TTLL11: variants seen among roughly 807,000 people sequenced by gnomAD.
The protein encoded by TTLL11 is tubulin polyglutamylase TTLL11.
Under a neutral mutation model 51.7 loss-of-function variants are expected in TTLL11, and 42 were observed. The observed-to-expected ratio is 0.81, with a 90% CI of 0.64 to 1.05. TTLL11 has a LOEUF of 1.05. Among genes scored for constraint, TTLL11 ranks in the 50% least tolerant of loss-of-function variants. The pLI is 0.00. For missense variants in TTLL11, 799 were observed against 940.4 expected (o/e 0.85, Z 1.97); for synonymous variants, 381 against 383.5 (o/e 0.99, Z 0.08).
intron 6 of TTLL11, among the ~76,000 whole-genome samples, chr9:121,945,802 C>A (rs1460976165): frequency 2.0e-5 from 3 of 152,104 alleles, no homozygotes; most frequent in Admixed American, 2.0e-4. Flanking sequence ...TAAATCCTGC[C>A]ATGGGAACTG....
intron 6 of TTLL11, among the ~76,000 whole-genome samples, chr9:121,913,145 A>C (rs763970022): frequency 5.3e-5 from 8 of 152,322 alleles, no homozygotes; most frequent in Middle Eastern, 3.4e-3. Flanking sequence ...TTTCTTATCC[A>C]TGACTCCCTT....
rs145232326 is a variant in TTLL11, at chr9:122,003,227, C to T, written c.694-13457G>A. ...AAGAGAGATGATCATAAAACCTCTC[C>T]GGTCCAGCACTTCCCAGACTTGCAT... On this transcript the variant is annotated intron_variant, in intron 3 of 8. Coordinates refer to ENST00000321582, the MANE Select transcript of TTLL11 (RefSeq NM_001139442.2). Among the ~76,000 whole-genome samples the T allele has an allele frequency of 7.6e-3, 1,160 of 152,176 alleles. 11 individuals are homozygous for T. The highest frequency in any genetic ancestry group is 0.024 in the Middle Eastern group (7 of 294).
intron 6 of TTLL11, among the ~76,000 whole-genome samples, chr9:121,898,156 G>A (rs1210126598): frequency 6.6e-6 from 1 of 152,138 alleles, no homozygotes; most frequent in African/African-American, 2.4e-5. Flanking sequence ...GACCTCAAGT[G>A]ACCTGCCTCA....
chr9:121,847,207 C>CAAAA (rs56213031), intron 8 of TTLL11, among the ~76,000 whole-genome samples: 5 of 113,722 alleles, frequency 4.4e-5, no homozygotes, highest in African/African-American at 1.3e-4. Context: ...GACTCCGTCT[C>CAAAA]AAAAAAAAAA....
At chr9:121,981,793 G>A (rs373949131) in intron 4 of TTLL11, among the ~76,000 whole-genome samples, 3 of 152,132 alleles carry the variant, frequency 2.0e-5, no homozygotes, top group South Asian at 2.1e-4. Flanking sequence ...TTTAACCCTC[G>A]CTGTTAAGGC....
At chr9:122,004,258 G>T (rs1387020948) in intron 3 of TTLL11, among the ~76,000 whole-genome samples, 2 of 152,136 alleles carry the variant, frequency 1.3e-5, no homozygotes, top group African/African-American at 4.8e-5. Flanking sequence ...AGCCCTTTCT[G>T]GAAGATGCTC....
rs10536790 is a variant in TTLL11, at chr9:121,829,774, T to TACACACAC, written c.1841-6903_1841-6896dup. 5.8e-3 allele frequency among the ~76,000 whole-genome samples: 829 copies of TACACACAC among 144,078 alleles called. 6 individuals carry two copies. Among genetic ancestry groups the TACACACAC allele is most frequent in the African/African-American group, 0.019 (751 of 38,750 alleles). The allele number at this position is 144,078 out of a possible 152,430, so 94.5% of individuals were successfully genotyped here. On this transcript the variant is annotated intron_variant, in intron 8 of 8. Transcript: ENST00000321582. ...TGCTCGTTGTTGATAATAATTCAAGTACACACACACACACACACACACACA... is the reference window on the plus strand; with the variant it reads ...TGCTCGTTGTTGATAATAATTCAAGTACACACACACACACACACACACACACACACACA...
chr9:121,951,973 C>T (rs1471338483), intron 6 of TTLL11, among the ~76,000 whole-genome samples: 3 of 152,094 alleles, frequency 2.0e-5, no homozygotes, highest in Non-Finnish European at 2.9e-5. Context: ...GCAGTGAGGA[C>T]GACCAGAGGT....
At chr9:121,869,384 G>A (rs932623457) in intron 7 of TTLL11, among the ~76,000 whole-genome samples, 3 of 152,152 alleles carry the variant, frequency 2.0e-5, no homozygotes, top group Admixed American at 6.6e-5. Flanking sequence ...TGAGGTGCAA[G>A]ACAAAAATAT....
intron 6 of TTLL11, among the ~76,000 whole-genome samples, chr9:121,902,675 G>A (rs1319191413): frequency 6.6e-6 from 1 of 151,348 alleles, no homozygotes; most frequent in African/African-American, 2.4e-5. Flanking sequence ...GTTTGAGTAA[G>A]TCATCAGCAA....
At chr9:121,869,961 C>T (rs1288412330) in intron 7 of TTLL11, among the ~76,000 whole-genome samples, 3 of 152,228 alleles carry the variant, frequency 2.0e-5, no homozygotes, top group African/African-American at 7.2e-5. Flanking sequence ...TTCTTTATCT[C>T]ATGCTTTATC....
chr9:121,951,934 TA>T (rs1325560889), intron 6 of TTLL11, among the ~76,000 whole-genome samples: 1 of 152,212 alleles, frequency 6.6e-6, no homozygotes, highest in African/African-American at 2.4e-5. Flanking sequence ...ATGGCATTTG[TA>T]AACTGTCATG....
At chr9:122,033,196 G>A (rs567001405) in intron 2 of TTLL11, among the ~76,000 whole-genome samples, 39 of 152,056 alleles carry the variant, frequency 2.6e-4, no homozygotes, top group Admixed American at 6.5e-4. Flanking sequence ...TACTGCAACC[G>A]CCGCCTCCTA....
At chr9:121,994,760 T>C (rs1372753563) in intron 3 of TTLL11, among the ~76,000 whole-genome samples, 1 of 152,206 alleles carries the variant, frequency 6.6e-6, no homozygotes, top group Non-Finnish European at 1.5e-5. Flanking sequence ...AGAAAGCAAC[T>C]TAATTAGATG....
rs1836486863 is a variant in TTLL11 at position 121,818,838 on chromosome 9, T to G, written c.*3749A>C. 1 of 152,514 alleles carries G rather than the reference T, an allele frequency of 6.6e-6. No individual in the cohort carries two copies. The highest frequency in any genetic ancestry group is 1.5e-5 in the Non-Finnish European group (1 of 68,440). 9.4% of individuals were successfully genotyped at this position (152,514 alleles called of 1,614,324 possible). A position where few individuals can be genotyped will look rare whatever the true frequency, so the allele number is the denominator to read the frequency against. ...GAGGCTGCAGAGCCTGGTCCTGAGGTGCAGGGGTCAGGTGCGGGCCTTAGG... is the reference window on the plus strand; with the variant it reads ...GAGGCTGCAGAGCCTGGTCCTGAGGGGCAGGGGTCAGGTGCGGGCCTTAGG... On this transcript the variant is annotated 3_prime_UTR_variant, in exon 9 of 9. Coordinates refer to ENST00000321582, the MANE Select transcript of TTLL11 (RefSeq NM_001139442.2).
At chr9:122,086,742 A>G (rs117607804) in intron 1 of TTLL11, among the ~76,000 whole-genome samples, 3 of 152,320 alleles carry the variant, frequency 2.0e-5, no homozygotes, top group East Asian at 1.9e-4. Context: ...TCCTATTTGC[A>G]TTATTGCTCT....
chr9:121,981,226 T>C (rs1471913111), intron 4 of TTLL11, among the ~76,000 whole-genome samples: 2 of 152,094 alleles, frequency 1.3e-5, no homozygotes, highest in Non-Finnish European at 2.9e-5. Context: ...CATAGTCCAC[T>C]GAGGGTCTGT....
At chr9:121,898,403 AT>A (rs2131467305) in intron 6 of TTLL11, among the ~76,000 whole-genome samples, 1 of 152,352 alleles carries the variant, frequency 6.6e-6, no homozygotes, top group East Asian at 1.9e-4. Flanking sequence ...CTTCAGGCAG[AT>A]GGGGTAACCC....
chr9:121,936,857 A>G (rs35167616), intron 6 of TTLL11, among the ~76,000 whole-genome samples: 25,601 of 152,228 alleles, frequency 0.17, 2,219 homozygotes, highest in Middle Eastern at 0.18. Flanking sequence ...GTGGGCTTTT[A>G]AAACATAACA....
Sources: allele counts gnomAD v4.1 joint callset (sites outside exome capture counted in the v4.1 genomes callset), GRCh38; gene constraint gnomAD v4.1.1; transcripts MANE v1.5; gene names NCBI Gene and HGNC (gene_info 2026-07-23, HGNC 2026-07-21).